The following FHIT variants were observed in gnomAD, a reference collection of about 807,000 sequenced individuals.
FHIT encodes the protein bis(5'-adenosyl)-triphosphatase.
FHIT carries 19 observed loss-of-function variants against 17.9 expected under a neutral mutation model. That is an observed-to-expected ratio of 1.06 (90% CI 0.74 to 1.56). FHIT has a LOEUF of 1.56. Ranked by LOEUF, FHIT falls within the 40% of genes most tolerant of loss-of-function variation. The pLI is 0.00. For missense variants in FHIT, 248 were observed against 189.2 expected (o/e 1.31, Z -1.82); for synonymous variants, 81 against 69.7 (o/e 1.16, Z -0.81).
chr3:60,292,376 C>T lies in FHIT; in HGVS notation c.103+244484G>A, dbSNP rs547664132. Among the ~76,000 whole-genome samples, 211 of 90,492 alleles carry T rather than the reference C, an allele frequency of 2.3e-3. 3 individuals carry two copies. The highest frequency in any genetic ancestry group is 0.012 in the African/African-American group (201 of 16,166). The allele number at this position is 90,492 out of a possible 152,430, so 59.4% of individuals were successfully genotyped here. A position where few individuals can be genotyped will look rare whatever the true frequency, so the allele number is the denominator to read the frequency against. ...GCATACTGTGAGCAAATCCTCAACACGTTGGGAGTTCCCCTTCCCCTTCCA... is the reference window on the plus strand; with the variant it reads ...GCATACTGTGAGCAAATCCTCAACATGTTGGGAGTTCCCCTTCCCCTTCCA... On this transcript the variant is annotated intron_variant, in intron 5 of 9. Transcript: ENST00000492590.
At chr3:60,581,828 C>A (rs1553659781) in intron 4 of FHIT, among the ~76,000 whole-genome samples, 2 of 151,908 alleles carry the variant, frequency 1.3e-5, no homozygotes, top group Non-Finnish European at 2.9e-5. Flanking sequence ...ATCAAAGATT[C>A]TTTTTTCATC....
chr3:60,873,094 T>A (rs1704482071), intron 3 of FHIT, among the ~76,000 whole-genome samples: 1 of 151,750 alleles, frequency 6.6e-6, no homozygotes, highest in Admixed American at 6.6e-5. Context: ...TTTTGTCTGT[T>A]TTTGTTTTTG....
intron 2 of FHIT, among the ~76,000 whole-genome samples, chr3:61,078,385 C>T (rs74937132): frequency 0.016 from 2,448 of 152,124 alleles, 63 homozygotes; most frequent in African/African-American, 0.056. Context: ...GCACATTTTC[C>T]ACTGAGTCTC....
intron 5 of FHIT, among the ~76,000 whole-genome samples, chr3:60,108,636 T>C (rs1463942093): frequency 6.6e-6 from 1 of 151,366 alleles, no homozygotes; most frequent in East Asian, 2.0e-4. Context: ...TAGCATTTCT[T>C]GGCCTTTAAT....
intron 4 of FHIT, among the ~76,000 whole-genome samples, chr3:60,787,005 A>G (rs1700601377): frequency 2.4e-5 from 1 of 41,236 alleles, no homozygotes; most frequent in Admixed American, 2.2e-4. Context: ...AGACAAAAAG[A>G]AAAAAAAAAA....
At chr3:61,209,928 C>T (rs1218638523) in intron 1 of FHIT, among the ~76,000 whole-genome samples, 8 of 151,912 alleles carry the variant, frequency 5.3e-5, no homozygotes, top group Admixed American at 3.9e-4. Context: ...CTGTTTTTTC[C>T]CCATCTTTGT....
chr3:60,348,821 T>A, intron 5 of FHIT, among the ~76,000 whole-genome samples: 1 of 152,230 alleles, frequency 6.6e-6, no homozygotes, highest in Non-Finnish European at 1.5e-5. Flanking sequence ...CTCTTCCTAT[T>A]TGCCATCAGC....
intron 8 of FHIT, among the ~76,000 whole-genome samples, chr3:59,788,440 G>A (rs534059977): frequency 1.3e-5 from 2 of 152,208 alleles, no homozygotes; most frequent in South Asian, 4.2e-4. Context: ...TCTTCAGACT[G>A]GCTCCGTGCC....
At chr3:60,051,326 C>CTTTTTT (rs773498624) in intron 5 of FHIT, among the ~76,000 whole-genome samples, 13 of 131,900 alleles carry the variant, frequency 9.9e-5, no homozygotes, top group Non-Finnish European at 1.8e-4. Context: ...ATTTAGGATG[C>CTTTTTT]TTTTTTTTTT....
intron 2 of FHIT, among the ~76,000 whole-genome samples, chr3:61,184,058 G>T (rs779886630): frequency 1.3e-5 from 2 of 151,996 alleles, no homozygotes; most frequent in African/African-American, 4.8e-5. Context: ...AGATGAGCAC[G>T]TGCAGCCACA....
At chr3:60,203,987 T>C (rs213310) in intron 5 of FHIT, among the ~76,000 whole-genome samples, 138,287 of 152,214 alleles carry the variant, frequency 0.91, 63,017 homozygotes, top group East Asian at 1. Flanking sequence ...GTATAAAAAA[T>C]AGAAAGAATG....
At chr3:60,555,393 T>G (rs1405002610) in intron 4 of FHIT, among the ~76,000 whole-genome samples, 1 of 152,206 alleles carries the variant, frequency 6.6e-6, no homozygotes, top group Non-Finnish European at 1.5e-5. Context: ...TATACAACAT[T>G]AAATAAAAGA....
chr3:60,920,642 C>T (rs1309008041), intron 3 of FHIT, among the ~76,000 whole-genome samples: 2 of 152,090 alleles, frequency 1.3e-5, no homozygotes, highest in East Asian at 1.9e-4. Context: ...AAGAGGAAAC[C>T]TCCTGGATTC....
At chr3:60,897,827 T>C (rs1705908598) in intron 3 of FHIT, among the ~76,000 whole-genome samples, 2 of 152,152 alleles carry the variant, frequency 1.3e-5, no homozygotes, top group South Asian at 2.1e-4. Context: ...ATCATAACCA[T>C]AGGAATCTTT....
At chr3:61,002,728 G>A (rs535371291) in intron 3 of FHIT, among the ~76,000 whole-genome samples, 2 of 151,766 alleles carry the variant, frequency 1.3e-5, no homozygotes, top group African/African-American at 4.8e-5. Flanking sequence ...GTAAGAAATC[G>A]TAATAAAATT....
At chr3:60,744,270 A>AAAAAAAAAAAAAAAAAAAAC (rs1577150242) in intron 4 of FHIT, among the ~76,000 whole-genome samples, 1 of 22,518 alleles carries the variant, frequency 4.4e-5, no homozygotes, top group African/African-American at 2.0e-4. Flanking sequence ...AAACAAAACA[A>AAAAAAAAAAAAAAAAAAAAC]AAAAAAAAAA....
intron 5 of FHIT, among the ~76,000 whole-genome samples, chr3:60,078,095 A>T (rs1291951110): frequency 6.6e-6 from 1 of 152,168 alleles, no homozygotes; most frequent in Admixed American, 6.6e-5. Context: ...TCATCACAAA[A>T]GTAACTGTTT....
chr3:60,687,796 T>C (rs1471695732), intron 4 of FHIT, among the ~76,000 whole-genome samples: 2 of 152,138 alleles, frequency 1.3e-5, no homozygotes, highest in African/African-American at 2.4e-5. Context: ...TTTTTCCTTA[T>C]ATTTCTAACA....
At chr3:59,830,090 A>T (rs1701113886) in intron 8 of FHIT, among the ~76,000 whole-genome samples, 1 of 152,088 alleles carries the variant, frequency 6.6e-6, no homozygotes, top group African/African-American at 2.4e-5. Flanking sequence ...AGCAAAACAA[A>T]ACAACCCCCC....
Sources: allele counts gnomAD v4.1 joint callset (sites outside exome capture counted in the v4.1 genomes callset), GRCh38; gene constraint gnomAD v4.1.1; transcripts MANE v1.5; gene names NCBI Gene and HGNC (gene_info 2026-07-23, HGNC 2026-07-21).